Variants in DPP6 observed in about 807,000 individuals in gnomAD.
DPP6 encodes dipeptidyl peptidase like 6.
DPP6 carries 69 observed loss-of-function variants against 122.6 expected under a neutral mutation model. The observed-to-expected ratio is 0.56, with a 90% CI of 0.46 to 0.69. The LOEUF (loss-of-function observed/expected upper bound fraction) is 0.69, where lower values mean the gene tolerates loss of function less well. DPP6 is among the 30% of genes least tolerant of loss of function. The probability of loss-of-function intolerance (pLI) is 0.00; values close to 1 mark genes in which losing one functional copy is unlikely to be tolerated. For synonymous variants in DPP6, 418 were observed against 433.1 expected (o/e 0.97, Z 0.43); for missense variants, 928 against 1,116.9 (o/e 0.83, Z 2.41).
chr7:154,660,139 A>C (rs1164481524), intron 6 of DPP6, among the ~76,000 whole-genome samples: 1 of 152,264 alleles, frequency 6.6e-6, no homozygotes, highest in African/African-American at 2.4e-5. Context: ...CAGGTGAGCC[A>C]GGTAATAAAA....
At chr7:153,948,605 C>T (rs998207726) in intron 1 of DPP6, among the ~76,000 whole-genome samples, 2 of 115,364 alleles carry the variant, frequency 1.7e-5, no homozygotes, top group Admixed American at 1.0e-4. Flanking sequence ...CTCTACCTTC[C>T]TCACTGTTTT....
At chr7:154,016,202 C>T (rs1798405078) in intron 1 of DPP6, among the ~76,000 whole-genome samples, 1 of 152,142 alleles carries the variant, frequency 6.6e-6, no homozygotes, top group Admixed American at 6.5e-5. Context: ...ATCTCTTTGT[C>T]TTGTTTTATC....
chr7:154,120,247 CT>C (rs752134239), intron 1 of DPP6, among the ~76,000 whole-genome samples: 169 of 144,318 alleles, frequency 1.2e-3, no homozygotes, highest in Admixed American at 2.6e-3. Flanking sequence ...TTTCTCTCTT[CT>C]TTTTTTTTTT....
intron 1 of DPP6, among the ~76,000 whole-genome samples, chr7:154,310,023 T>G (rs1335130525): frequency 6.6e-6 from 1 of 152,228 alleles, no homozygotes; most frequent in Non-Finnish European, 1.5e-5. Context: ...CTGGGACTCA[T>G]GGACTTCCAG....
At chr7:154,244,952 T>TA (rs1491557163) in intron 1 of DPP6, among the ~76,000 whole-genome samples, 1 of 67,526 alleles carries the variant, frequency 1.5e-5, no homozygotes, top group Admixed American at 2.0e-4. Context: ...CTAAAGGGAC[T>TA]TTTTTTTTTT....
chr7:154,636,914 A>G (rs533402935), intron 5 of DPP6, among the ~76,000 whole-genome samples: 3 of 152,300 alleles, frequency 2.0e-5, no homozygotes, highest in African/African-American at 7.2e-5. Context: ...GTCACTGAAC[A>G]TTTAGCCACA....
intron 1 of DPP6, among the ~76,000 whole-genome samples, chr7:154,224,233 G>A (rs1800468526): frequency 6.7e-6 from 1 of 149,018 alleles, no homozygotes; most frequent in African/African-American, 2.6e-5. Context: ...TGAGCCAGGA[G>A]AATAGCTTCA....
At chr7:153,804,053 C>CT in the DPP6 span, among the ~76,000 whole-genome samples, 39,564 of 145,362 alleles carry the variant, frequency 0.27, 5,412 homozygotes, top group Middle Eastern at 0.34. Flanking sequence ...ATCCCTAGTA[C>CT]TTTTTTTTTT....
At chr7:154,706,986 A>G (rs1018286221) in intron 7 of DPP6, among the ~76,000 whole-genome samples, 4 of 152,192 alleles carry the variant, frequency 2.6e-5, no homozygotes, top group African/African-American at 9.7e-5. Flanking sequence ...AGGAAGAGCA[A>G]TTTTAGATTA....
the DPP6 span, among the ~76,000 whole-genome samples, chr7:153,821,843 T>C: frequency 6.6e-6 from 1 of 151,714 alleles, no homozygotes; most frequent in Non-Finnish European, 1.5e-5. Context: ...GATGCTTCTT[T>C]TTCCACCTCC....
At chr7:154,709,948 G>A (rs368094107) in intron 7 of DPP6, among the ~76,000 whole-genome samples, 2 of 152,306 alleles carry the variant, frequency 1.3e-5, no homozygotes, top group South Asian at 2.1e-4. Context: ...TGTGGACCAA[G>A]CATACATTCC....
At chr7:154,125,350 T>G (rs1807799842) in intron 1 of DPP6, among the ~76,000 whole-genome samples, 2 of 152,200 alleles carry the variant, frequency 1.3e-5, no homozygotes. Flanking sequence ...TTTCTGAAAA[T>G]TCTAGTGTAA....
At chr7:154,188,059 C>T (rs921717211) in intron 1 of DPP6, among the ~76,000 whole-genome samples, 4 of 151,842 alleles carry the variant, frequency 2.6e-5, no homozygotes, top group East Asian at 1.9e-4. Flanking sequence ...TGTCAGAGCA[C>T]GATGCAGATC....
At chr7:154,874,060 C>CACCCAT (rs1804641897) in intron 19 of DPP6, among the ~76,000 whole-genome samples, 2 of 151,854 alleles carry the variant, frequency 1.3e-5, no homozygotes, top group Middle Eastern at 3.4e-3. Flanking sequence ...CACATATGCA[C>CACCCAT]ATGTATGTGT....
intron 3 of DPP6, among the ~76,000 whole-genome samples, chr7:154,520,763 A>G (rs1347112653): frequency 1.3e-5 from 2 of 152,384 alleles, no homozygotes; most frequent in Non-Finnish European, 2.9e-5. Flanking sequence ...TCCACCAGCC[A>G]GAATTCACTT....
At chr7:154,493,106 G>T (rs946122677) in intron 3 of DPP6, among the ~76,000 whole-genome samples, 1 of 152,124 alleles carries the variant, frequency 6.6e-6, no homozygotes, top group Non-Finnish European at 1.5e-5. Context: ...GTTTGATATG[G>T]GACCCATCAA....
intron 8 of DPP6, among the ~76,000 whole-genome samples, chr7:154,756,485 G>A (rs1285749496): frequency 5.3e-5 from 8 of 152,204 alleles, no homozygotes; most frequent in African/African-American, 1.9e-4. Context: ...AATGAGGGCA[G>A]CCTGCTTCTA....
chr7:154,457,170 C>G lies in DPP6; in HGVS notation c.358+10842C>G, dbSNP rs1239200888. The stretch of plus-strand genomic sequence containing the variant: ...GTCAAAAGTGGGCGAAGGACATGAA[C>G]AGACACTTCTCAAAAGAAGACATTT... On this transcript the variant is annotated intron_variant, in intron 2 of 25. Transcript: ENST00000377770. Among the ~76,000 whole-genome samples, 2 of 75,178 alleles carry G rather than the reference C, an allele frequency of 2.7e-5. 1 individual carries two copies. The highest frequency in any genetic ancestry group is 8.6e-5 in the African/African-American group (2 of 23,134). 49.3% of individuals were successfully genotyped at this position (75,178 alleles called of 152,430 possible).
At chr7:154,341,633 A>G (rs184338630) in intron 1 of DPP6, among the ~76,000 whole-genome samples, 159 of 151,854 alleles carry the variant, frequency 1.0e-3, no homozygotes, top group Middle Eastern at 6.8e-3. Flanking sequence ...TAATAATAAT[A>G]TGTAATAATA....
Sources: gnomAD v4.1 joint callset for allele counts (sites outside exome capture counted in the v4.1 genomes callset) on GRCh38, gnomAD v4.1.1 for gene constraint, MANE v1.5 for transcripts, NCBI Gene and HGNC (gene_info 2026-07-23, HGNC 2026-07-21) for gene names.